PRICKLE2: variants seen among roughly 807,000 people sequenced by gnomAD.
The protein encoded by PRICKLE2 is prickle-like protein 2.
In PRICKLE2, 21 loss-of-function variants were observed where a neutral mutation model predicts 81.4. That is an observed-to-expected ratio of 0.26 (90% CI 0.18 to 0.37). PRICKLE2 has a LOEUF of 0.37. PRICKLE2 is among the 10% of genes least tolerant of loss of function. The pLI is 1.00. For missense variants in PRICKLE2, 940 were observed against 1,109.0 expected, an observed-to-expected ratio of 0.85 and a Z score of 2.16; for synonymous variants, 456 against 421.5, an observed-to-expected ratio of 1.08 and a Z score of -1.00.
chr3:64,220,109 C>T (rs2078928927), intron 1 of PRICKLE2, among the ~76,000 whole-genome samples: 1 of 152,160 alleles, frequency 6.6e-6, no homozygotes, highest in Non-Finnish European at 1.5e-5. Flanking sequence ...ACCTTAAAAC[C>T]TTACCAGATT....
chr3:64,178,913 C>A (rs1029551976), intron 2 of PRICKLE2, among the ~76,000 whole-genome samples: 1 of 152,146 alleles, frequency 6.6e-6, no homozygotes, highest in Non-Finnish European at 1.5e-5. Context: ...ATAACTCATG[C>A]CCAACAGCAC....
intron 1 of PRICKLE2, among the ~76,000 whole-genome samples, chr3:64,213,391 TCA>T (rs2078823301): frequency 6.6e-6 from 1 of 152,336 alleles, no homozygotes; most frequent in Non-Finnish European, 1.5e-5. Context: ...GACTTTCTTT[TCA>T]TACCAAGTTG....
At chr3:64,206,211 G>A (rs928559814) in intron 1 of PRICKLE2, among the ~76,000 whole-genome samples, 4 of 152,168 alleles carry the variant, frequency 2.6e-5, no homozygotes, top group Admixed American at 1.3e-4. Context: ...GGCAGGCTCA[G>A]GAATGTGCAT....
At chr3:64,179,035 C>CTTTCTTTCTTTCT (rs1357900519) in intron 2 of PRICKLE2, among the ~76,000 whole-genome samples, 3 of 97,100 alleles carry the variant, frequency 3.1e-5, no homozygotes, top group African/African-American at 1.2e-4. Flanking sequence ...TTCTTTCTTT[C>CTTTCTTTCTTTCT]TTTTCTTTCC....
At chr3:64,155,820 A>C (rs995312777) in intron 5 of PRICKLE2, among the ~76,000 whole-genome samples, 5 of 152,250 alleles carry the variant, frequency 3.3e-5, no homozygotes, top group African/African-American at 1.2e-4. Flanking sequence ...CAGAACATGT[A>C]AATCCACAGA....
Position 64,096,695 on chromosome 3 carries a change from C to T in PRICKLE2, c.*2356G>A, listed in dbSNP as rs1201014900. 1 of 152,556 alleles carries T rather than the reference C, an allele frequency of 6.6e-6. No individual in the cohort carries two copies. Among genetic ancestry groups the T allele is most frequent in the Non-Finnish European group, 1.5e-5 (1 of 68,050 alleles). The allele number at this position is 152,556 out of a possible 1,614,324, so 9.5% of individuals were successfully genotyped here. ...TTATGCCTCCAGACCCCTCCGGGCA[C>T]TGGCCATGTGTCAGTTTTTAGGCCA... On this transcript the variant is annotated 3_prime_UTR_variant, in exon 8 of 8. Transcript: ENST00000638394.
In PRICKLE2 at chr3:64,225,166, T is replaced by A. The variant is rs905731582; in HGVS notation, c.-297A>T. On this transcript the variant is annotated 5_prime_UTR_variant, in exon 1 of 8. Coordinates refer to ENST00000638394, the MANE Select transcript of PRICKLE2 (RefSeq NM_198859.4). Reference sequence around the variant, plus strand: ...GCTGGATCCAGACTCTGCTGGGGAATTCACCAAGCAAGAGAAAAAAAGTAT... The same window carrying A: ...GCTGGATCCAGACTCTGCTGGGGAAATCACCAAGCAAGAGAAAAAAAGTAT... 9.1e-6 allele frequency: 9 copies of A among 985,254 alleles called. No homozygotes were observed. The highest frequency in any genetic ancestry group is 1.1e-5 in the Non-Finnish European group (9 of 829,974). 61.0% of individuals were successfully genotyped at this position (985,254 alleles called of 1,614,324 possible).
chr3:64,122,929 G>C (rs2077049073), intron 7 of PRICKLE2, among the ~76,000 whole-genome samples: 3 of 152,166 alleles, frequency 2.0e-5, no homozygotes, highest in African/African-American at 7.2e-5. Flanking sequence ...TGCTTGGTTT[G>C]CCTCCAACTC....
chr3:64,204,755 C>T (rs2078651390), intron 1 of PRICKLE2, among the ~76,000 whole-genome samples: 1 of 152,292 alleles, frequency 6.6e-6, no homozygotes, highest in East Asian at 1.9e-4. Context: ...CGTGGCAAGA[C>T]ATTTTTCTTT....
intron 2 of PRICKLE2, among the ~76,000 whole-genome samples, chr3:64,175,954 T>C (rs1417640970): frequency 6.6e-6 from 1 of 152,132 alleles, no homozygotes; most frequent in Non-Finnish European, 1.5e-5. Flanking sequence ...ATAAAAACCA[T>C]GAAGCACCTA....
At position 64,163,057 on chromosome 3, in the gene PRICKLE2, T is replaced by C; in HGVS notation, c.217A>G (p.Ile73Val). ...GGCAGCTGGTGTAGTAGCTGCTTGA[T>C]TCGCAGTTTCTCTCCAGGACTGTTG... ...YVNSPGEKLR[I>V]KQLLHQLPPH... Residue 73 changes from isoleucine (I) to valine (V), a missense_variant, in exon 3 of 8, where the codon ATC becomes GTC. Ile to Val is a conservative substitution (Grantham distance 29). Transcript: ENST00000638394. 6.2e-7 allele frequency: 1 copy of C among 1,614,128 alleles called. No homozygotes were observed.
chr3:64,153,124 C>T (rs1191613353), intron 6 of PRICKLE2, 58 bp downstream of exon 6: 4 of 1,510,598 alleles, frequency 2.6e-6, no homozygotes, highest in Non-Finnish European at 2.8e-6. Context: ...TAACTACACC[C>T]AAAACAAAGG....
At chr3:64,166,173 TC>T (rs1256150116) in intron 2 of PRICKLE2, among the ~76,000 whole-genome samples, 1 of 152,160 alleles carries the variant, frequency 6.6e-6, no homozygotes, top group East Asian at 1.9e-4. Flanking sequence ...CAGATCTGCT[TC>T]TCACCTTCTC....
At chr3:64,165,313 A>G (rs549580358) in intron 2 of PRICKLE2, among the ~76,000 whole-genome samples, 2 of 152,310 alleles carry the variant, frequency 1.3e-5, no homozygotes, top group South Asian at 4.1e-4. Context: ...GGGCATGGCC[A>G]GTAGATCTGG....
intron 3 of PRICKLE2, among the ~76,000 whole-genome samples, chr3:64,161,569 C>T (rs1489975455): frequency 6.6e-6 from 1 of 152,196 alleles, no homozygotes; most frequent in Non-Finnish European, 1.5e-5. Context: ...AATCTGCCCA[C>T]TGGGTCACAC....
intron 7 of PRICKLE2, among the ~76,000 whole-genome samples, chr3:64,126,963 C>T (rs1463667174): frequency 2.0e-5 from 3 of 152,160 alleles, no homozygotes; most frequent in South Asian, 2.1e-4. Context: ...TTCGTGAATG[C>T]CCACTCATTT....
chr3:64,199,266 T>C (rs901308187), intron 1 of PRICKLE2: 36 of 532,412 alleles, frequency 6.8e-5, no homozygotes, highest in Non-Finnish European at 9.7e-5. Flanking sequence ...GGTAATATAG[T>C]TTTTATTTTA....
intron 2 of PRICKLE2, among the ~76,000 whole-genome samples, chr3:64,237,896 T>G (rs929062381): frequency 2.0e-5 from 3 of 152,182 alleles, no homozygotes; most frequent in Non-Finnish European, 4.4e-5. Flanking sequence ...TCTTGTTTGT[T>G]TGTCCATCAT....
chr3:64,203,918 C>G (rs1335931085), intron 1 of PRICKLE2, among the ~76,000 whole-genome samples: 1 of 152,056 alleles, frequency 6.6e-6, no homozygotes, highest in Admixed American at 6.6e-5. Context: ...GTGGAGGTTG[C>G]AGTGAGCCCA....
Sources: allele counts gnomAD v4.1 joint callset (sites outside exome capture counted in the v4.1 genomes callset), GRCh38; gene constraint gnomAD v4.1.1; transcripts MANE v1.5; gene names NCBI Gene and HGNC (gene_info 2026-07-23, HGNC 2026-07-21).